The following NCEH1 variants were observed in gnomAD, a reference collection of about 807,000 sequenced individuals.
NCEH1 encodes neutral cholesterol ester hydrolase 1, also known as 2-acetyl MAGE hydrolase.
A neutral mutation model predicts 25.4 loss-of-function variants in NCEH1; 9 were observed. The observed-to-expected ratio is 0.35, with a 90% CI of 0.21 to 0.62. NCEH1 has a LOEUF of 0.62. Among genes scored for constraint, NCEH1 ranks in the 20% least tolerant of loss-of-function variants. NCEH1 has a pLI of 0.72. For missense variants in NCEH1, 412 were observed against 501.1 expected (o/e 0.82, Z 1.70); for synonymous variants, 200 against 199.8 (o/e 1.00, Z -0.01).
At chr3:172,691,725 G>A (rs1429867782) in intron 1 of NCEH1, among the ~76,000 whole-genome samples, 4 of 152,266 alleles carry the variant, frequency 2.6e-5, no homozygotes, top group South Asian at 2.1e-4. Flanking sequence ...TGAGGCAGGC[G>A]GATCATGAGG....
intron 3 of NCEH1, among the ~76,000 whole-genome samples, chr3:172,636,591 C>T (rs1224377844): frequency 6.6e-6 from 1 of 152,154 alleles, no homozygotes; most frequent in Non-Finnish European, 1.5e-5. Flanking sequence ...TCCATATTAG[C>T]CTGACATTAA....
intron 1 of NCEH1, among the ~76,000 whole-genome samples, chr3:172,674,894 T>C (rs1050815167): frequency 1.3e-5 from 2 of 152,208 alleles, no homozygotes; most frequent in Admixed American, 1.3e-4. Flanking sequence ...TAGTTACGGA[T>C]AAAAAGCAAA....
Position 172,701,449 on chromosome 3 carries a change from C to CTTTTTTTTTTTTTTTTTT in NCEH1, c.138+9397_138+9398insAAAAAAAAAAAAAAAAAA, listed in dbSNP as rs10701435. Among the ~76,000 whole-genome samples, 236 of 110,902 alleles carry CTTTTTTTTTTTTTTTTTT rather than the reference C, an allele frequency of 2.1e-3. 16 individuals are homozygous for CTTTTTTTTTTTTTTTTTT. The highest frequency in any genetic ancestry group is 8.9e-3 in the African/African-American group (214 of 24,178). The allele number at this position is 110,902 out of a possible 152,430, so 72.8% of individuals were successfully genotyped here. On this transcript the variant is annotated intron_variant, in intron 1 of 4. Transcript: ENST00000475381. ...TAGTGCTTCCTAGATGGTCTTTTGC[C>CTTTTTTTTTTTTTTTTTT]TTTTTTTTTTTTTTTTTAAAGACGG...
chr3:172,709,377 G>A (rs986159557), intron 1 of NCEH1, among the ~76,000 whole-genome samples: 1 of 152,204 alleles, frequency 6.6e-6, no homozygotes, highest in Non-Finnish European at 1.5e-5. Flanking sequence ...AATCTTTGAA[G>A]GGTATTACTT....
intron 1 of NCEH1, among the ~76,000 whole-genome samples, chr3:172,693,485 G>A (rs1160877315): frequency 1.3e-5 from 2 of 151,662 alleles, no homozygotes; most frequent in Non-Finnish European, 2.9e-5. Flanking sequence ...GGGAGGGGGT[G>A]GTTAGAGTTG....
In NCEH1 at chr3:172,630,600, G is replaced by A. The variant is rs1297408631; in HGVS notation, c.*2875C>T. ...AATTTGGCATACAGAAAGAAGAGAA[G>A]AGAACACTGTTTTCAAATGGGAAAC... is the stretch of plus-strand genomic sequence containing the variant. On this transcript the variant is annotated 3_prime_UTR_variant, in exon 5 of 5. Transcript: ENST00000475381. 6.6e-6 allele frequency: 1 copy of A among 152,134 alleles called. No homozygotes were observed. 9.4% of individuals were successfully genotyped at this position (152,134 alleles called of 1,614,324 possible).
intron 1 of NCEH1, among the ~76,000 whole-genome samples, chr3:172,689,431 G>A (rs1712899437): frequency 6.6e-6 from 1 of 151,422 alleles, no homozygotes; most frequent in South Asian, 2.1e-4. Context: ...AGTTTTAGTA[G>A]AGACAGGGTT....
chr3:172,683,189 G>A (rs567883703), intron 1 of NCEH1, among the ~76,000 whole-genome samples: 2 of 65,436 alleles, frequency 3.1e-5, no homozygotes, highest in Admixed American at 2.4e-4. Flanking sequence ...GGATCACGAG[G>A]TCAGGAGATC....
intron 1 of NCEH1, among the ~76,000 whole-genome samples, chr3:172,664,882 C>G (rs1157436072): frequency 6.6e-6 from 1 of 152,122 alleles, no homozygotes; most frequent in East Asian, 1.9e-4. Context: ...AGGTTTTTAG[C>G]TTCTTTGTGA....
intron 1 of NCEH1, among the ~76,000 whole-genome samples, chr3:172,709,856 G>A (rs1714203198): frequency 6.6e-6 from 1 of 152,164 alleles, no homozygotes; most frequent in African/African-American, 2.4e-5. Context: ...AAAGCCCAAG[G>A]TTGTGGGGAG....
At chr3:172,690,835 G>A (rs1712995123) in intron 1 of NCEH1, among the ~76,000 whole-genome samples, 1 of 152,102 alleles carries the variant, frequency 6.6e-6, no homozygotes, top group South Asian at 2.1e-4. Context: ...AACAGTGGTT[G>A]TGTTAAGGTG....
At chr3:172,710,717 TC>T in intron 1 of NCEH1, 129 bp downstream of exon 1, 1 of 1,014,622 alleles carries the variant, frequency 9.9e-7, no homozygotes, top group Non-Finnish European at 1.4e-6. Flanking sequence ...CTGGACCACC[TC>T]AAAAAGCGAC....
chr3:172,699,609 A>C (rs1713572303), intron 1 of NCEH1, among the ~76,000 whole-genome samples: 1 of 152,222 alleles, frequency 6.6e-6, no homozygotes. Context: ...TCATACCTGC[A>C]ATCCCAGCAC....
chr3:172,653,600 G>A (rs1467848494), intron 1 of NCEH1, among the ~76,000 whole-genome samples: 1 of 152,136 alleles, frequency 6.6e-6, no homozygotes, highest in Admixed American at 6.5e-5. Flanking sequence ...GTCTGGGGAT[G>A]AAATCCAGTA....
intron 1 of NCEH1, among the ~76,000 whole-genome samples, chr3:172,659,519 A>C (rs529496765): frequency 2.6e-4 from 40 of 151,978 alleles, no homozygotes; most frequent in African/African-American, 9.4e-4. Flanking sequence ...TCTTTATAGC[A>C]CCCTCCTTGG....
chr3:172,648,495 T>G (rs1182078027), intron 1 of NCEH1, among the ~76,000 whole-genome samples: 2 of 152,168 alleles, frequency 1.3e-5, no homozygotes, highest in Middle Eastern at 6.8e-3. Flanking sequence ...AGTAAAGAAA[T>G]AATACTTTAT....
At chr3:172,703,375 A>G (rs1240591164) in intron 1 of NCEH1, 1 of 151,964 alleles carries the variant, frequency 6.6e-6, no homozygotes, top group Non-Finnish European at 1.5e-5. Flanking sequence ...AATACAAAAA[A>G]AAATTAGCCG....
At chr3:172,710,523 G>T (rs1714241864) in intron 1 of NCEH1, among the ~76,000 whole-genome samples, 1 of 152,234 alleles carries the variant, frequency 6.6e-6, no homozygotes, top group African/African-American at 2.4e-5. Flanking sequence ...TTTATAAACT[G>T]CTTAAGGATT....
chr3:172,694,711 C>T (rs1713264090), intron 1 of NCEH1, among the ~76,000 whole-genome samples: 1 of 152,190 alleles, frequency 6.6e-6, no homozygotes, highest in Non-Finnish European at 1.5e-5. Flanking sequence ...GACAGTTCAT[C>T]ATAGCAGCCC....
Sources: allele counts gnomAD v4.1 joint callset (sites outside exome capture counted in the v4.1 genomes callset), GRCh38; gene constraint gnomAD v4.1.1; transcripts MANE v1.5; gene names NCBI Gene and HGNC (gene_info 2026-07-23, HGNC 2026-07-21).